The following ANKS1A variants were observed in gnomAD, a reference collection of about 807,000 sequenced individuals.
ANKS1A encodes ankyrin repeat and sterile alpha motif domain containing 1A, also known as ankyrin repeat and SAM domain-containing protein 1A.
Under a neutral mutation model 120.3 loss-of-function variants are expected in ANKS1A, and 55 were observed. That is an observed-to-expected ratio of 0.46 (90% CI 0.37 to 0.57). ANKS1A has a LOEUF of 0.57. Ranked by LOEUF, ANKS1A falls within the 20% of genes least tolerant of loss-of-function variation. The pLI, the probability that ANKS1A is intolerant of heterozygous loss-of-function variation, is 0.00. For synonymous variants in ANKS1A, 590 were observed against 604.7 expected, an observed-to-expected ratio of 0.98 and a Z score of 0.36; for missense variants, 1,123 against 1,480.3, an observed-to-expected ratio of 0.76 and a Z score of 3.96.
chr6:34,958,854 TC>T (rs1770496341), intron 1 of ANKS1A, among the ~76,000 whole-genome samples: 1 of 152,216 alleles, frequency 6.6e-6, no homozygotes, highest in African/African-American at 2.4e-5. Context: ...ACCTCTCTGT[TC>T]CTATTTCCCT....
chr6:34,939,081 T>A (rs1489602100), intron 1 of ANKS1A, among the ~76,000 whole-genome samples: 1 of 152,232 alleles, frequency 6.6e-6, no homozygotes, highest in Non-Finnish European at 1.5e-5. Flanking sequence ...CTAATAATTA[T>A]GAATTTTCTA....
intron 1 of ANKS1A, among the ~76,000 whole-genome samples, chr6:34,909,382 A>G (rs1447866601): frequency 1.3e-5 from 2 of 152,238 alleles, no homozygotes; most frequent in Non-Finnish European, 2.9e-5. Flanking sequence ...GACATTTGCC[A>G]TAATCATTAT....
At chr6:35,024,620 G>A (rs1774515890) in intron 11 of ANKS1A, among the ~76,000 whole-genome samples, 1 of 152,190 alleles carries the variant, frequency 6.6e-6, no homozygotes, top group East Asian at 1.9e-4. Flanking sequence ...GTCTGAAATG[G>A]TAGCTGAGGA....
At chr6:34,964,069 G>A (rs1467813181) in intron 1 of ANKS1A, among the ~76,000 whole-genome samples, 1 of 152,002 alleles carries the variant, frequency 6.6e-6, no homozygotes, top group Non-Finnish European at 1.5e-5. Context: ...TTCCATAAGT[G>A]GTCTTTTTAC....
intron 1 of ANKS1A, among the ~76,000 whole-genome samples, chr6:34,909,953 G>A (rs543168375): frequency 6.6e-6 from 1 of 152,364 alleles, no homozygotes; most frequent in South Asian, 2.1e-4. Flanking sequence ...GTATGTAGGA[G>A]GGAGAGGGGT....
intron 8 of ANKS1A, 87 bp from the exon 9 acceptor site, chr6:34,989,137 A>T: frequency 1.6e-6 from 2 of 1,272,774 alleles, no homozygotes; most frequent in African/African-American, 3.0e-5. Flanking sequence ...TATTTTTTTC[A>T]TTTCTAAGGG....
At chr6:34,902,318 G>A (rs149653146) in intron 1 of ANKS1A, among the ~76,000 whole-genome samples, 319 of 151,564 alleles carry the variant, frequency 2.1e-3, no homozygotes, top group Non-Finnish European at 3.9e-3. Flanking sequence ...GCGTGATCTC[G>A]GCTCCCTGCA....
intron 16 of ANKS1A, among the ~76,000 whole-genome samples, chr6:35,080,239 A>C (rs954079189): frequency 1.6e-5 from 2 of 123,658 alleles, no homozygotes; most frequent in East Asian, 2.1e-4. Context: ...CAAATCCAAA[A>C]GGCCAGGACT....
chr6:34,977,610 G>A (rs1022386675), intron 3 of ANKS1A, among the ~76,000 whole-genome samples: 3 of 152,068 alleles, frequency 2.0e-5, no homozygotes, highest in African/African-American at 4.8e-5. Flanking sequence ...GTTTTGGTTT[G>A]TTGAGTTTGA....
In ANKS1A at chr6:34,889,665, C is replaced by T; in HGVS notation, c.197+66C>T. ...TTCTCCCCCACCCGTCTCTTGGGTC[C>T]CCAGAGAGATCGGGGGTCCTGAGAC... On this transcript the variant is annotated intron_variant, in intron 1 of 23. Transcript: ENST00000360359. The surrounding 1 kb of genome is among the most constrained non-coding windows in gnomAD (Gnocchi z 5.5). The T allele has an allele frequency of 1.6e-6, 2 of 1,233,912 alleles. No individual in the cohort carries two copies. Among genetic ancestry groups the T allele is most frequent in the Non-Finnish European group, 2.0e-6 (2 of 988,180 alleles). 76.4% of individuals were successfully genotyped at this position (1,233,912 alleles called of 1,614,324 possible).
At chr6:34,996,929 T>A (rs919769859) in intron 10 of ANKS1A, among the ~76,000 whole-genome samples, 2 of 152,244 alleles carry the variant, frequency 1.3e-5, no homozygotes, top group African/African-American at 4.8e-5. Context: ...CACAATTTGT[T>A]GAAAAAGACC....
rs576106196 is a variant in ANKS1A at position 35,013,200 on chromosome 6, C to T, written c.1424-4273C>T. On this transcript the variant is annotated intron_variant, in intron 10 of 23. Transcript: ENST00000360359. Reference sequence around the variant, plus strand: ...ACCTCTTCTGAGAAGCCTTCTGGTTCGAAGTAATCAGGCTTTCCTTTTTGT... The same window carrying T: ...ACCTCTTCTGAGAAGCCTTCTGGTTTGAAGTAATCAGGCTTTCCTTTTTGT... 2.4e-4 allele frequency among the ~76,000 whole-genome samples: 37 copies of T among 152,342 alleles called. No individual in the cohort carries two copies. The South Asian group carries it at 6.0e-3, about 25-fold the overall frequency.
Position 35,017,534 on chromosome 6 carries a change from C to A in ANKS1A, c.1485C>A (p.Val495=), listed in dbSNP as rs201153896. ...QDSAEGQDGQ[V]PEQFSGLLHG... ...CTGCGGAGGGGCAGGACGGGCAGGT[C>A]CCAGAGCAGTTCTCAGGCCTCCTCC... The change falls in exon 11 of 24, where the codon GTC becomes GTA. Residue 495 remains valine, a synonymous_variant. Coordinates refer to ENST00000360359, the MANE Select transcript of ANKS1A (RefSeq NM_015245.3). The A allele has an allele frequency of 5.9e-5, 96 of 1,613,982 alleles. No homozygotes were observed. The East Asian group carries it at 2.1e-3, about 35-fold the overall frequency.
In ANKS1A at chr6:35,090,724, A is replaced by G; in HGVS notation, c.*2115A>G. 3 of 987,444 alleles carry G rather than the reference A, an allele frequency of 3.0e-6. No homozygotes were observed. Among genetic ancestry groups the G allele is most frequent in the Non-Finnish European group, 3.6e-6 (3 of 831,432 alleles). The allele number at this position is 987,444 out of a possible 1,614,324, so 61.2% of individuals were successfully genotyped here. A position where few individuals can be genotyped will look rare whatever the true frequency, so the allele number is the denominator to read the frequency against. On this transcript the variant is annotated 3_prime_UTR_variant, in exon 24 of 24. Transcript: ENST00000360359. ...ACAGGCTTCAAGTGGGAAGGCCCCT[A>G]CTTTTGCACTTCTCCAAGTGCAGGT...
At chr6:35,080,024 T>G in intron 16 of ANKS1A, 96 bp downstream of exon 16, 1 of 1,380,488 alleles carries the variant, frequency 7.2e-7, no homozygotes, top group Non-Finnish European at 1.0e-6. Context: ...ACCACTGTAG[T>G]GTAGGAGAAA....
At chr6:34,971,895 C>T (rs577999920) in intron 3 of ANKS1A, among the ~76,000 whole-genome samples, 78 of 152,312 alleles carry the variant, frequency 5.1e-4, no homozygotes, top group Non-Finnish European at 1.1e-3. Flanking sequence ...CATTTAAAAT[C>T]ATCAGTGAGG....
chr6:34,920,131 G>A (rs1768361664), intron 1 of ANKS1A, among the ~76,000 whole-genome samples: 1 of 151,982 alleles, frequency 6.6e-6, no homozygotes, highest in Non-Finnish European at 1.5e-5. Flanking sequence ...TGATGAGTGG[G>A]TCTGCTTGCC....
chr6:35,084,110 T>A lies in ANKS1A; in HGVS notation c.2995-11T>A. ...AGCCTGAGAATTCCAGAACACGGCT[T>A]TCCCCAGCAGAACGTCATTGCAGAG... On this transcript the variant is annotated splice_polypyrimidine_tract_variant and intron_variant, in intron 20 of 23. Coordinates refer to ENST00000360359, the MANE Select transcript of ANKS1A (RefSeq NM_015245.3). The surrounding 1 kb of genome is among the most constrained non-coding windows in gnomAD (Gnocchi z 4.8). The A allele has an allele frequency of 6.2e-7, 1 of 1,613,942 alleles. No individual in the cohort carries two copies. Among genetic ancestry groups the A allele is most frequent in the South Asian group, 1.1e-5 (1 of 91,060 alleles).
At chr6:34,891,630 A>C (rs1766827552) in intron 1 of ANKS1A, among the ~76,000 whole-genome samples, 1 of 151,780 alleles carries the variant, frequency 6.6e-6, no homozygotes, top group South Asian at 2.1e-4. Context: ...AGGTCAAATT[A>C]TTCTTTTTTT....
Sources: gnomAD v4.1 joint callset for allele counts (sites outside exome capture counted in the v4.1 genomes callset) on GRCh38, gnomAD v4.1.1 for gene constraint, Gnocchi (gnomAD v3.1) non-coding constraint, MANE v1.5 for transcripts, NCBI Gene and HGNC (gene_info 2026-07-23, HGNC 2026-07-21) for gene names.